Variants in PDE4D observed in about 807,000 individuals in gnomAD.
PDE4D encodes the protein phosphodiesterase 4D.
In PDE4D, 24 loss-of-function variants were observed where a neutral mutation model predicts 87.4. The ratio of observed to expected loss-of-function variants is 0.27; its 90% CI spans 0.20 to 0.39. PDE4D has a LOEUF of 0.39. PDE4D is among the 10% of genes least tolerant of loss of function. The pLI, the probability that PDE4D is intolerant of heterozygous loss-of-function variation, is 1.00. For synonymous variants in PDE4D, 384 were observed against 383.2 expected, an observed-to-expected ratio of 1.00 and a Z score of -0.02; for missense variants, 714 against 1,041.0, an observed-to-expected ratio of 0.69 and a Z score of 4.32.
intron 1 of PDE4D, among the ~76,000 whole-genome samples, chr5:60,343,362 A>C (rs1278361657): frequency 1.3e-5 from 2 of 152,168 alleles, no homozygotes; most frequent in African/African-American, 4.8e-5. Context: ...AAAGGGCTGT[A>C]ATTAGAAACA....
At chr5:59,970,314 A>G (rs1760573965) in intron 3 of PDE4D, among the ~76,000 whole-genome samples, 1 of 152,220 alleles carries the variant, frequency 6.6e-6, no homozygotes, top group African/African-American at 2.4e-5. Context: ...CTTCATGTCT[A>G]AAACACCAAA....
At chr5:60,502,593 C>T (rs915680463) in intron 1 of PDE4D, among the ~76,000 whole-genome samples, 2 of 152,130 alleles carry the variant, frequency 1.3e-5, no homozygotes, top group Non-Finnish European at 2.9e-5. Flanking sequence ...CCTATTCGGC[C>T]ATCTTGGCTG....
intron 1 of PDE4D, among the ~76,000 whole-genome samples, chr5:59,763,931 C>T (rs1043690357): frequency 1.3e-5 from 2 of 152,020 alleles, no homozygotes; most frequent in African/African-American, 2.4e-5. Context: ...AGACAAGAGG[C>T]GCAATAGAAA....
intron 1 of PDE4D, among the ~76,000 whole-genome samples, chr5:59,687,950 C>A (rs1299786837): frequency 6.6e-6 from 1 of 152,052 alleles, no homozygotes; most frequent in African/African-American, 2.4e-5. Flanking sequence ...TTTAAACCAA[C>A]AAAGATCAAA....
intron 1 of PDE4D, among the ~76,000 whole-genome samples, chr5:59,444,758 G>A (rs902053980): frequency 5.9e-5 from 9 of 152,266 alleles, no homozygotes; most frequent in African/African-American, 1.4e-4. Context: ...CTTGCAGTGA[G>A]CCGAGATCGC....
intron 1 of PDE4D, among the ~76,000 whole-genome samples, chr5:60,300,298 G>A (rs1753779667): frequency 6.6e-6 from 1 of 152,090 alleles, no homozygotes; most frequent in Non-Finnish European, 1.5e-5. Context: ...CTGGATACTA[G>A]ACTTTTGTCA....
chr5:59,215,685 C>T, intron 2 of PDE4D, 92 bp downstream of exon 2: 1 of 1,042,746 alleles, frequency 9.6e-7, no homozygotes, highest in Non-Finnish European at 1.5e-6. Flanking sequence ...GAGAGTGATA[C>T]AGTTGAACAA....
chr5:59,587,973 A>G (rs960509147), intron 1 of PDE4D, among the ~76,000 whole-genome samples: 2 of 152,086 alleles, frequency 1.3e-5, no homozygotes, highest in African/African-American at 4.8e-5. Flanking sequence ...TGCAAATGAT[A>G]GAGTTTGGTG....
At chr5:59,501,667 C>A (rs1239284080) in intron 1 of PDE4D, among the ~76,000 whole-genome samples, 1 of 151,920 alleles carries the variant, frequency 6.6e-6, no homozygotes, top group Non-Finnish European at 1.5e-5. Flanking sequence ...CTAGTGTAGT[C>A]AATTGATAAA....
intron 1 of PDE4D, among the ~76,000 whole-genome samples, chr5:60,456,267 A>G (rs1177705851): frequency 1.3e-5 from 2 of 152,316 alleles, no homozygotes; most frequent in African/African-American, 4.8e-5. Context: ...GCTCTGCAGA[A>G]TCGTCTCCCC....
At chr5:59,005,245 G>GGTCC (rs758985570) in intron 6 of PDE4D, among the ~76,000 whole-genome samples, 8 of 152,128 alleles carry the variant, frequency 5.3e-5, no homozygotes, top group Non-Finnish European at 8.8e-5. Flanking sequence ...TGTGAGTGAT[G>GGTCC]GTCCCTTCAT....
intron 5 of PDE4D, among the ~76,000 whole-genome samples, chr5:59,043,716 C>G (rs1488476747): frequency 6.6e-6 from 1 of 151,962 alleles, no homozygotes; most frequent in African/African-American, 2.4e-5. Context: ...TCCCCCCACC[C>G]CACAGCAGGC....
At chr5:59,101,804 A>T (rs1770779007) in intron 5 of PDE4D, among the ~76,000 whole-genome samples, 1 of 152,108 alleles carries the variant, frequency 6.6e-6, no homozygotes, top group African/African-American at 2.4e-5. Context: ...GTCACATTTA[A>T]GTAGGAGAGG....
chr5:60,441,472 A>T (rs1745204384), intron 1 of PDE4D, among the ~76,000 whole-genome samples: 1 of 152,150 alleles, frequency 6.6e-6, no homozygotes, highest in Admixed American at 6.5e-5. Context: ...AAGACCTAAA[A>T]CCATAAAAAG....
At chr5:59,476,538 T>G (rs1463855553) in intron 1 of PDE4D, among the ~76,000 whole-genome samples, 1 of 152,132 alleles carries the variant, frequency 6.6e-6, no homozygotes, top group African/African-American at 2.4e-5. Context: ...GACATTCTAC[T>G]GCATGTGTTC....
At chr5:59,350,169 C>T (rs1455085829) in intron 1 of PDE4D, among the ~76,000 whole-genome samples, 1 of 152,168 alleles carries the variant, frequency 6.6e-6, no homozygotes, top group Non-Finnish European at 1.5e-5. Flanking sequence ...AAGTCTTTCT[C>T]TTATTCAGAA....
chr5:60,232,120 T>C (rs1290579612), intron 1 of PDE4D, among the ~76,000 whole-genome samples: 1 of 151,984 alleles, frequency 6.6e-6, no homozygotes, highest in East Asian at 1.9e-4. Flanking sequence ...ATGTTAGTGC[T>C]TCACACACAA....
At chr5:60,153,062 C>T (rs962714357) in intron 2 of PDE4D, among the ~76,000 whole-genome samples, 2 of 152,010 alleles carry the variant, frequency 1.3e-5, no homozygotes, top group East Asian at 1.9e-4. Flanking sequence ...AACCAGGAAG[C>T]GAAGGAAACA....
intron 1 of PDE4D, among the ~76,000 whole-genome samples, chr5:59,659,684 A>C (rs1205179357): frequency 6.6e-6 from 1 of 152,206 alleles, no homozygotes; most frequent in Non-Finnish European, 1.5e-5. Flanking sequence ...AAACTGCCTA[A>C]AGAATTTTAG....
Sources: gnomAD v4.1 joint callset for allele counts (sites outside exome capture counted in the v4.1 genomes callset) on GRCh38, gnomAD v4.1.1 for gene constraint, MANE v1.5 for transcripts, NCBI Gene and HGNC (gene_info 2026-07-23, HGNC 2026-07-21) for gene names.